RILPL1: variants seen among roughly 807,000 people sequenced by gnomAD.
RILPL1 encodes the protein RILP-like protein 1.
In RILPL1, 33 loss-of-function variants were observed where a neutral mutation model predicts 50.3. The observed-to-expected ratio is 0.66, with a 90% confidence interval of 0.50 to 0.88. The LOEUF is 0.88. RILPL1 is among the 40% of genes least tolerant of loss of function. The pLI, the probability that RILPL1 is intolerant of heterozygous loss-of-function variation, is 0.00. For synonymous variants in RILPL1, 205 were observed against 228.6 expected, an observed-to-expected ratio of 0.90 and a Z score of 0.93; for missense variants, 418 against 542.5, an observed-to-expected ratio of 0.77 and a Z score of 2.28.
In RILPL1 at chr12:123,491,346, G is replaced by A. The variant is rs73412263; in HGVS notation, c.802-5541C>T. Among the ~76,000 whole-genome samples the A allele has an allele frequency of 0.02, 3,007 of 152,252 alleles. 99 individuals are homozygous for A. The highest frequency in any genetic ancestry group is 0.069 in the African/African-American group (2,872 of 41,534). On this transcript the variant is annotated intron_variant, in intron 4 of 6. Transcript: ENST00000376874. This position sits in a 1 kb window ranked among gnomAD's most constrained non-coding sequence, Gnocchi z 4.0. ...GGTACTCTGGGCACAGCTTCAGAGC[G>A]ATACCCTGAGGCCTCAGCTGCTTCC...
Position 123,485,488 on chromosome 12 carries a change from G to GT in RILPL1, c.974+144dup. ...TCAGAAAGGGGTTGTGAGCTTGTAT[G>GT]TAAGTTCTTTAGGCCAGAGAGGGTA... On this transcript the variant is annotated intron_variant, in intron 5 of 6. Transcript: ENST00000376874. The surrounding 1 kb of genome is among the most constrained non-coding windows in gnomAD (Gnocchi z 4.0). 1 of 727,804 alleles carries GT rather than the reference G, an allele frequency of 1.4e-6. No homozygotes were observed. Among genetic ancestry groups the GT allele is most frequent in the Non-Finnish European group, 2.3e-6 (1 of 442,334 alleles). 45.1% of individuals were successfully genotyped at this position (727,804 alleles called of 1,614,324 possible).
chr12:123,479,994 G>A (rs1404852664), intron 6 of RILPL1, among the ~76,000 whole-genome samples: 3 of 152,088 alleles, frequency 2.0e-5, no homozygotes, highest in Non-Finnish European at 2.9e-5. Flanking sequence ...AATTTGCAAA[G>A]CCAACTTAAT....
At chr12:123,508,812 C>T (rs944571606) in intron 2 of RILPL1, among the ~76,000 whole-genome samples, 1 of 151,628 alleles carries the variant, frequency 6.6e-6, no homozygotes, top group Admixed American at 6.6e-5. Flanking sequence ...CAGGCTGCAG[C>T]GAGCTATGAT....
chr12:123,477,343 T>C lies in RILPL1; in HGVS notation c.1068-4661A>G, dbSNP rs991481843. On this transcript the variant is annotated intron_variant, in intron 6 of 6. Transcript: ENST00000376874. Reference sequence around the variant, plus strand: ...ATCTTTTCTTTCTTTCTTTCTTTTTTTTTTTTTTTTTTTTTGAGACAGTCT... The same window carrying C: ...ATCTTTTCTTTCTTTCTTTCTTTTTCTTTTTTTTTTTTTTTGAGACAGTCT... Among the ~76,000 whole-genome samples, 631 of 136,904 alleles carry C rather than the reference T, an allele frequency of 4.6e-3. 8 individuals are homozygous for C. Among genetic ancestry groups the C allele is most frequent in the East Asian group, 8.1e-3 (40 of 4,932 alleles). 89.8% of individuals were successfully genotyped at this position (136,904 alleles called of 152,430 possible). A position where few individuals can be genotyped will look rare whatever the true frequency, so the allele number is the denominator to read the frequency against.
chr12:123,514,359 C>T (rs1289741332), intron 2 of RILPL1: 1 of 151,978 alleles, frequency 6.6e-6, no homozygotes, highest in East Asian at 1.9e-4. Flanking sequence ...CAGGTGCAGT[C>T]ACCTCAGGAA....
chr12:123,481,638 CCT>C (rs1882008912), intron 6 of RILPL1, among the ~76,000 whole-genome samples: 1 of 151,578 alleles, frequency 6.6e-6, no homozygotes, highest in African/African-American at 2.4e-5. Flanking sequence ...CTCACTGCAA[CCT>C]CTGTCTCCCA....
At position 123,533,443 on chromosome 12, in the gene RILPL1, C is replaced by A; in HGVS notation, c.40G>T (p.Ala14Ser). The part of the protein sequence containing the change: ...ERGSALAAES[A>S]LEKNVAELTV... ...AGCTCGGCCACGTTCTTCTCCAGCG[C>A]CGACTCGGCCGCCAGCGCCGACCCC... Residue 14 changes from alanine to serine, a missense_variant, in exon 1 of 7, where the codon GCG becomes TCG. Physicochemically the swap from Ala to Ser is moderately conservative, Grantham distance 99 (BLOSUM62 1). Transcript: ENST00000376874. This position sits in a 1 kb window ranked among gnomAD's most constrained non-coding sequence, Gnocchi z 6.2. 6.5e-7 allele frequency: 1 copy of A among 1,532,432 alleles called. No individual in the cohort carries two copies. The highest frequency in any genetic ancestry group is 8.8e-7 in the Non-Finnish European group (1 of 1,136,844). 94.9% of individuals were successfully genotyped at this position (1,532,432 alleles called of 1,614,324 possible).
intron 6 of RILPL1, chr12:123,475,676 C>T (rs780974079): frequency 3.0e-5 from 48 of 1,589,676 alleles, no homozygotes; most frequent in Non-Finnish European, 3.7e-5. Flanking sequence ...GGAAACAAGT[C>T]GTCGGACAGG....
At chr12:123,525,954 GTACTTGGTAAAACCGTAAGC>G (rs1364131339) in intron 1 of RILPL1, among the ~76,000 whole-genome samples, 1 of 151,974 alleles carries the variant, frequency 6.6e-6, no homozygotes, top group East Asian at 1.9e-4. Flanking sequence ...CAAAAAAACG[GTACTTGGTAAAACCGTAAGC>G]TAGCTCACAA....
chr12:123,527,978 T>C (rs1885318589), intron 1 of RILPL1, among the ~76,000 whole-genome samples: 1 of 152,196 alleles, frequency 6.6e-6, no homozygotes, highest in African/African-American at 2.4e-5. Flanking sequence ...GTCCGGAAAT[T>C]TCTCCAGTAT....
intron 2 of RILPL1, among the ~76,000 whole-genome samples, chr12:123,516,208 T>A (rs907085670): frequency 1.3e-5 from 2 of 152,162 alleles, no homozygotes; most frequent in African/African-American, 4.8e-5. Flanking sequence ...GGAACGATGA[T>A]GACCACAGCT....
intron 2 of RILPL1, among the ~76,000 whole-genome samples, chr12:123,517,530 T>C (rs755166414): frequency 1.3e-5 from 2 of 151,812 alleles, no homozygotes; most frequent in African/African-American, 2.4e-5. Context: ...CAAGCAATTC[T>C]TGTGCCTCAG....
intron 2 of RILPL1, among the ~76,000 whole-genome samples, chr12:123,506,936 C>A (rs1203316297): frequency 6.6e-6 from 1 of 152,106 alleles, no homozygotes; most frequent in Non-Finnish European, 1.5e-5. Context: ...GAGAGCTCCA[C>A]AAAAGCCCTA....
chr12:123,520,843 C>T (rs572375932), intron 2 of RILPL1, among the ~76,000 whole-genome samples: 36 of 152,290 alleles, frequency 2.4e-4, no homozygotes, highest in African/African-American at 7.9e-4. Context: ...TGTCTGGAAT[C>T]GTAAGCTCTT....
rs2139316371 is a variant in RILPL1 at position 123,484,076 on chromosome 12, T to G, written c.1067+104A>C. On this transcript the variant is annotated intron_variant, in intron 6 of 6. Coordinates refer to ENST00000376874, the MANE Select transcript of RILPL1 (RefSeq NM_178314.5). ...GCCAGACGTCTCAGCAGGATGTGGT[T>G]AGTCACAAGCCTGGCCCTGGGAGCA... The G allele has an allele frequency of 7.2e-6, 5 of 692,110 alleles. No homozygotes were observed. In the South Asian group the frequency reaches 8.8e-5, roughly 12 times the overall value. 42.9% of individuals were successfully genotyped at this position (692,110 alleles called of 1,614,324 possible).
rs201659547 is a variant in RILPL1, at chr12:123,498,527, C to T, written c.801+17G>A. ...CTGACCCTCTGCTACCACCTCTGCA[C>T]CCAGCTTCCTGCTCACCTCAGGCTC... is the stretch of plus-strand genomic sequence containing the variant. On this transcript the variant is annotated intron_variant, in intron 4 of 6. Transcript: ENST00000376874. The surrounding 1 kb of genome is among the most constrained non-coding windows in gnomAD (Gnocchi z 4.3). The T allele has an allele frequency of 6.2e-7, 1 of 1,610,708 alleles. No individual in the cohort carries two copies. The highest frequency in any genetic ancestry group is 8.5e-7 in the Non-Finnish European group (1 of 1,178,156).
At chr12:123,528,537 C>G (rs957910448) in intron 1 of RILPL1, among the ~76,000 whole-genome samples, 13 of 151,382 alleles carry the variant, frequency 8.6e-5, no homozygotes, top group African/African-American at 2.2e-4. Context: ...ATGCCATTCT[C>G]CTGCCTCAGC....
Position 123,485,732 on chromosome 12 carries a change from G to A in RILPL1, c.875C>T (p.Pro292Leu), listed in dbSNP as rs775158221. The change falls in exon 5 of 7, where the codon CCC becomes CTC. Residue 292 changes from proline to leucine, a missense_variant. Coordinates refer to ENST00000376874, the MANE Select transcript of RILPL1 (RefSeq NM_178314.5). The surrounding 1 kb of genome is among the most constrained non-coding windows in gnomAD (Gnocchi z 4.0). ...VAMDLKDPNR[P>L]RFTLQELRDV... ...CCGCAGCTCCTGCAGGGTGAACCGG[G>A]GGCGGTTGGGGTCCTTGAGATCCAT... 1.2e-6 allele frequency: 2 copies of A among 1,613,150 alleles called. No homozygotes were observed. The highest frequency in any genetic ancestry group is 2.2e-5 in the South Asian group (2 of 90,994).
chr12:123,511,477 G>GGT (rs1391494742), intron 2 of RILPL1, among the ~76,000 whole-genome samples: 1 of 130,210 alleles, frequency 7.7e-6, no homozygotes, highest in African/African-American at 3.2e-5. Flanking sequence ...CTGTGTGTGT[G>GGT]GTGTGTGAGG....
Sources: gnomAD v4.1 joint callset for allele counts (sites outside exome capture counted in the v4.1 genomes callset) on GRCh38, gnomAD v4.1.1 for gene constraint, Gnocchi (gnomAD v3.1) non-coding constraint, MANE v1.5 for transcripts, NCBI Gene and HGNC (gene_info 2026-07-23, HGNC 2026-07-21) for gene names.